GABRA3: variants seen among roughly 807,000 people sequenced by gnomAD.
The protein encoded by GABRA3 is gamma-aminobutyric acid receptor subunit alpha-3.
In GABRA3, 10 loss-of-function variants were observed where a neutral mutation model predicts 30.1. The observed-to-expected ratio is 0.33, with a 90% CI of 0.20 to 0.56. GABRA3 has a LOEUF of 0.56. Among genes scored for constraint, GABRA3 ranks in the 20% least tolerant of loss-of-function variants. The probability of loss-of-function intolerance (pLI) is 0.89; values close to 1 mark genes in which losing one functional copy is unlikely to be tolerated. For missense variants in GABRA3, 233 were observed against 392.0 expected (o/e 0.59, Z 3.42); for synonymous variants, 151 against 146.8 (o/e 1.03, Z -0.21).
chrX:152,380,238 T>A (rs1929106924), intron 1 of GABRA3, among the ~76,000 whole-genome samples: 1 of 111,354 alleles, frequency 9.0e-6, no homozygotes, highest in African/African-American at 3.3e-5. Context: ...TACCCTTTGA[T>A]CAACAACTTT....
intron 7 of GABRA3, among the ~76,000 whole-genome samples, chrX:152,207,526 C>T (rs1399193716): frequency 8.9e-6 from 1 of 111,916 alleles, no homozygotes; most frequent in Non-Finnish European, 1.9e-5. Context: ...TACGTGATCC[C>T]CTTAAGAAAA....
intron 9 of GABRA3, among the ~76,000 whole-genome samples, chrX:152,175,201 G>C (rs909213043): frequency 4.5e-5 from 5 of 110,285 alleles, no homozygotes; most frequent in Non-Finnish European, 7.6e-5. Context: ...AGGAACAGCA[G>C]AATTCAAAAA....
At chrX:152,333,628 G>T (rs1035641056) in intron 3 of GABRA3, among the ~76,000 whole-genome samples, 2 of 111,354 alleles carry the variant, frequency 1.8e-5, no homozygotes, top group African/African-American at 6.5e-5. Flanking sequence ...TCCTTCTTTT[G>T]CCCTAATCCT....
intron 3 of GABRA3, among the ~76,000 whole-genome samples, chrX:152,292,157 T>C (rs1939431906): frequency 8.9e-6 from 1 of 111,764 alleles, no homozygotes; most frequent in Non-Finnish European, 1.9e-5. Context: ...GACTTTTTTT[T>C]AGTTGGTAGG....
At chrX:152,257,361 C>G (rs1483492810) in intron 4 of GABRA3, among the ~76,000 whole-genome samples, 2 of 112,162 alleles carry the variant, frequency 1.8e-5, no homozygotes, top group African/African-American at 6.5e-5. Flanking sequence ...CACTGAACTA[C>G]ACAAGGCACA....
intron 9 of GABRA3, among the ~76,000 whole-genome samples, chrX:152,180,300 A>G (rs1209053939): frequency 3.6e-5 from 4 of 112,037 alleles, no homozygotes; most frequent in Non-Finnish European, 5.6e-5. Context: ...GATGATTAGT[A>G]ATCTTGAGCA....
intron 3 of GABRA3, among the ~76,000 whole-genome samples, chrX:152,298,380 C>A (rs1939569881): frequency 9.5e-6 from 1 of 105,634 alleles, no homozygotes; most frequent in African/African-American, 3.6e-5. Flanking sequence ...CCCCCTTCCC[C>A]CACCCCACAA....
chrX:152,423,468 T>A (rs1259828691), intron 1 of GABRA3, among the ~76,000 whole-genome samples: 1 of 112,208 alleles, frequency 8.9e-6, no homozygotes, highest in Non-Finnish European at 1.9e-5. Context: ...AATTATGAAG[T>A]ATTCAATAAG....
intron 1 of GABRA3, among the ~76,000 whole-genome samples, chrX:152,384,454 T>C (rs370575980): frequency 2.5e-4 from 28 of 111,810 alleles, no homozygotes; most frequent in African/African-American, 9.0e-4. Flanking sequence ...AGTTCAGAAA[T>C]AGATATAGGT....
chrX:152,269,340 G>A (rs1482990116), intron 4 of GABRA3, among the ~76,000 whole-genome samples: 1 of 111,651 alleles, frequency 9.0e-6, no homozygotes, highest in African/African-American at 3.3e-5. Flanking sequence ...AATTGAAGGG[G>A]CACAAAAAAT....
chrX:152,210,330 TA>T (rs1421188247), intron 6 of GABRA3, among the ~76,000 whole-genome samples: 1 of 112,159 alleles, frequency 8.9e-6, no homozygotes, highest in Non-Finnish European at 1.9e-5. Flanking sequence ...CAGCATGTCT[TA>T]ATTTTTTAAA....
intron 3 of GABRA3, among the ~76,000 whole-genome samples, chrX:152,342,925 T>C (rs1603245021): frequency 9.0e-6 from 1 of 111,426 alleles, no homozygotes; most frequent in African/African-American, 3.3e-5. Context: ...CACAAGTTAT[T>C]CCAAACCCTG....
chrX:152,168,191 G>C lies in GABRA3; in HGVS notation c.*37C>G, dbSNP rs983238481. On this transcript the variant is annotated 3_prime_UTR_variant, in exon 10 of 10. Transcript: ENST00000370314. ...TTTGGGTGCCTGGATGCTTCACGGG[G>C]TATACAGTGCTCTGGTTGCTGCACT... The C allele has an allele frequency of 2.7e-6, 3 of 1,124,511 alleles. No individual in the cohort carries two copies. The highest frequency in any genetic ancestry group is 3.0e-5 in the East Asian group (1 of 33,402). The allele number at this position is 1,124,511 out of a possible 1,213,427, so 92.7% of individuals were successfully genotyped here.
intron 1 of GABRA3, among the ~76,000 whole-genome samples, chrX:152,415,373 C>T (rs1930184624): frequency 9.0e-6 from 1 of 110,963 alleles, no homozygotes; most frequent in African/African-American, 3.3e-5. Context: ...AAAAGTTACA[C>T]AGTATATAAT....
At chrX:152,344,014 A>G (rs745928420) in intron 3 of GABRA3, among the ~76,000 whole-genome samples, 2 of 111,330 alleles carry the variant, frequency 1.8e-5, no homozygotes, top group Admixed American at 9.6e-5. Context: ...TCCCAGTTCT[A>G]TCTACTGAAA....
intron 1 of GABRA3, among the ~76,000 whole-genome samples, chrX:152,371,830 GA>G (rs777374557): frequency 9.0e-5 from 10 of 111,157 alleles, no homozygotes; most frequent in African/African-American, 2.9e-4. Context: ...TAAGTTCTAG[GA>G]ATACAGCAGT....
At position 152,168,646 on chromosome X, in the gene GABRA3, G is replaced by T. The variant is rs1018706518; in HGVS notation, c.1144-83C>A. The T allele has an allele frequency of 3.6e-5, 27 of 745,470 alleles. No individual in the cohort carries two copies. The African/African-American group carries it at 5.5e-4, about 15-fold the overall frequency. 61.4% of individuals were successfully genotyped at this position (745,470 alleles called of 1,213,427 possible). A position where few individuals can be genotyped will look rare whatever the true frequency, so the allele number is the denominator to read the frequency against. ...ATTACACAGAGAACCTTCAGAGGCTGCAGGGAGGAGGAGCCATGAGGGAAG... is the reference window on the plus strand; with the variant it reads ...ATTACACAGAGAACCTTCAGAGGCTTCAGGGAGGAGGAGCCATGAGGGAAG... On this transcript the variant is annotated intron_variant, in intron 9 of 9. Coordinates refer to ENST00000370314, the MANE Select transcript of GABRA3 (RefSeq NM_000808.4).
chrX:152,397,473 C>T (rs1442990574), intron 1 of GABRA3, among the ~76,000 whole-genome samples: 1 of 111,413 alleles, frequency 9.0e-6, no homozygotes, highest in Non-Finnish European at 1.9e-5. Context: ...GGTTATGCTT[C>T]AGGTAGGAAA....
chrX:152,219,752 T>C (rs1361401321), intron 6 of GABRA3, among the ~76,000 whole-genome samples: 8 of 111,210 alleles, frequency 7.2e-5, no homozygotes, highest in Non-Finnish European at 1.3e-4. Flanking sequence ...TATTAGTAAG[T>C]CTATATGCAT....
Sources: gnomAD v4.1 joint callset for allele counts (sites outside exome capture counted in the v4.1 genomes callset) on GRCh38, gnomAD v4.1.1 for gene constraint, MANE v1.5 for transcripts, NCBI Gene and HGNC (gene_info 2026-07-23, HGNC 2026-07-21) for gene names.